The following CACNB2 variants were observed in gnomAD, a reference collection of about 807,000 sequenced individuals.
CACNB2 encodes voltage-dependent L-type calcium channel subunit beta-2.
Under a neutral mutation model 73.3 loss-of-function variants are expected in CACNB2, and 42 were observed. The ratio of observed to expected loss-of-function variants is 0.57; its 90% CI spans 0.45 to 0.74. The LOEUF is 0.74. Ranked by LOEUF, CACNB2 falls within the 30% of genes least tolerant of loss-of-function variation. The probability of loss-of-function intolerance (pLI) is 0.00; values close to 1 mark genes in which losing one functional copy is unlikely to be tolerated. For synonymous variants in CACNB2, 348 were observed against 310.3 expected, an observed-to-expected ratio of 1.12 and a Z score of -1.28; for missense variants, 940 against 853.0, an observed-to-expected ratio of 1.10 and a Z score of -1.27.
At chr10:18,195,152 G>A (rs1453436477) in intron 2 of CACNB2, among the ~76,000 whole-genome samples, 2 of 152,126 alleles carry the variant, frequency 1.3e-5, no homozygotes, top group African/African-American at 4.8e-5. Flanking sequence ...AATGGGCTTT[G>A]CTCTTTTTCA....
chr10:18,256,150 G>A (rs1470672531), intron 2 of CACNB2, among the ~76,000 whole-genome samples: 1 of 151,780 alleles, frequency 6.6e-6, no homozygotes, highest in African/African-American at 2.4e-5. Flanking sequence ...TCTTCTTAAC[G>A]CTTTTCAATA....
chr10:18,514,926 A>T, intron 7 of CACNB2: 1 of 1,296,126 alleles, frequency 7.7e-7, no homozygotes, highest in Non-Finnish European at 1.1e-6. Context: ...TTGTACTAAA[A>T]AAAAAAGTAT....
At chr10:18,190,246 G>T (rs1372523156) in intron 2 of CACNB2, among the ~76,000 whole-genome samples, 1 of 152,192 alleles carries the variant, frequency 6.6e-6, no homozygotes, top group Non-Finnish European at 1.5e-5. Flanking sequence ...GATTCATCCA[G>T]TAATACAGAT....
At chr10:18,532,706 A>AC (rs1564663754) in intron 10 of CACNB2, among the ~76,000 whole-genome samples, 4 of 64,764 alleles carry the variant, frequency 6.2e-5, no homozygotes, top group African/African-American at 2.2e-4. Context: ...ACAAAACAAA[A>AC]AAACAAACAA....
At chr10:18,220,240 G>GATGGGGGGAGAC (rs2035727486) in intron 2 of CACNB2, among the ~76,000 whole-genome samples, 1 of 72,356 alleles carries the variant, frequency 1.4e-5, no homozygotes, top group Non-Finnish European at 2.4e-5. Flanking sequence ...TATAGAGAGA[G>GATGGGGGGAGAC]AGAGAGAGAG....
chr10:18,526,049 C>T (rs1022659070), intron 9 of CACNB2, among the ~76,000 whole-genome samples: 3 of 152,170 alleles, frequency 2.0e-5, no homozygotes, highest in Non-Finnish European at 2.9e-5. Context: ...GTCCTGTGCT[C>T]AAATTTTAAA....
chr10:18,376,838 A>G (rs2042819418), intron 2 of CACNB2, among the ~76,000 whole-genome samples: 1 of 152,108 alleles, frequency 6.6e-6, no homozygotes, highest in Non-Finnish European at 1.5e-5. Context: ...GGGAGATGTT[A>G]TTTGGTTTAT....
chr10:18,251,556 T>G (rs988632796), intron 2 of CACNB2, among the ~76,000 whole-genome samples: 3 of 152,154 alleles, frequency 2.0e-5, no homozygotes, highest in Non-Finnish European at 4.4e-5. Flanking sequence ...CCTCAACTCT[T>G]AAGTCTGTTT....
chr10:18,273,823 A>G (rs896199274), intron 2 of CACNB2, among the ~76,000 whole-genome samples: 6 of 152,248 alleles, frequency 3.9e-5, no homozygotes, highest in Non-Finnish European at 8.8e-5. Flanking sequence ...AACACTTTGA[A>G]GAACATATTT....
chr10:18,382,842 A>C (rs577135157), intron 2 of CACNB2, among the ~76,000 whole-genome samples: 1 of 152,170 alleles, frequency 6.6e-6, no homozygotes, highest in Non-Finnish European at 1.5e-5. Context: ...TAGTACTGCA[A>C]TGTACATACG....
intron 2 of CACNB2, among the ~76,000 whole-genome samples, chr10:18,386,315 A>G (rs2043227530): frequency 6.6e-6 from 1 of 151,934 alleles, no homozygotes; most frequent in African/African-American, 2.4e-5. Flanking sequence ...ATATGAAGGC[A>G]TCAAACTTTT....
chr10:18,479,607 G>A (rs1320582871), intron 3 of CACNB2, among the ~76,000 whole-genome samples: 1 of 152,158 alleles, frequency 6.6e-6, no homozygotes, highest in Non-Finnish European at 1.5e-5. Flanking sequence ...GAGGTGATTG[G>A]ATCATGGGGG....
At chr10:18,491,462 G>A (rs1404102383) in intron 3 of CACNB2, among the ~76,000 whole-genome samples, 1 of 152,096 alleles carries the variant, frequency 6.6e-6, no homozygotes, top group African/African-American at 2.4e-5. Context: ...GTGGCATGAG[G>A]CTGTAGTCCT....
chr10:18,259,063 A>G (rs2037410809), intron 2 of CACNB2, among the ~76,000 whole-genome samples: 1 of 152,208 alleles, frequency 6.6e-6, no homozygotes, highest in South Asian at 2.1e-4. Flanking sequence ...CTAGTATATG[A>G]TAGGACCATA....
At chr10:18,412,487 C>A (rs2044691275) in intron 3 of CACNB2, among the ~76,000 whole-genome samples, 1 of 152,196 alleles carries the variant, frequency 6.6e-6, no homozygotes. Flanking sequence ...TCCCTACTTA[C>A]TCTTTAACAC....
chr10:18,237,396 T>C (rs1251440402), intron 2 of CACNB2, among the ~76,000 whole-genome samples: 1 of 152,108 alleles, frequency 6.6e-6, no homozygotes, highest in East Asian at 1.9e-4. Context: ...GAAAAGATGG[T>C]CATCCAAAGG....
rs901048541 is a variant in CACNB2, at chr10:18,542,608, A to C, written c.*2884A>C. On this transcript the variant is annotated 3_prime_UTR_variant, in exon 14 of 14. Transcript: ENST00000324631. Reference sequence around the variant, plus strand: ...CTTAGCTTGCACTTTACTGTAGAACATATTAGTGCAAATCAGAATATTCCT... The same window carrying C: ...CTTAGCTTGCACTTTACTGTAGAACCTATTAGTGCAAATCAGAATATTCCT... 1.6e-4 allele frequency: 25 copies of C among 152,228 alleles called. No individual in the cohort carries two copies. Among genetic ancestry groups the C allele is most frequent in the African/African-American group, 5.8e-4 (24 of 41,464 alleles). 9.4% of individuals were successfully genotyped at this position (152,228 alleles called of 1,614,324 possible).
At chr10:18,303,636 C>A (rs968772450) in intron 2 of CACNB2, among the ~76,000 whole-genome samples, 2 of 152,214 alleles carry the variant, frequency 1.3e-5, no homozygotes, top group Non-Finnish European at 2.9e-5. Flanking sequence ...CGTATGAAGG[C>A]AACCCATATG....
chr10:18,178,167 G>A (rs1193076696), intron 2 of CACNB2, among the ~76,000 whole-genome samples: 3 of 152,186 alleles, frequency 2.0e-5, no homozygotes, highest in East Asian at 3.8e-4. Flanking sequence ...GTAGACTGGA[G>A]TATGATGCGA....
Sources: gnomAD v4.1 joint callset for allele counts (sites outside exome capture counted in the v4.1 genomes callset) on GRCh38, gnomAD v4.1.1 for gene constraint, MANE v1.5 for transcripts, NCBI Gene and HGNC (gene_info 2026-07-23, HGNC 2026-07-21) for gene names.